ATP2C2: variants seen among roughly 807,000 people sequenced by gnomAD.
ATP2C2 encodes calcium-transporting ATPase type 2C member 2.
Under a neutral mutation model 110.8 loss-of-function variants are expected in ATP2C2, and 171 were observed. The observed-to-expected ratio is 1.54, with a 90% CI of 1.36 to 1.75. The LOEUF (loss-of-function observed/expected upper bound fraction) is 1.75, where lower values mean the gene tolerates loss of function less well. Among genes scored for constraint, ATP2C2 ranks in the 40% most tolerant of loss-of-function variants. The pLI, the probability that ATP2C2 is intolerant of heterozygous loss-of-function variation, is 0.00. For synonymous variants in ATP2C2, 804 were observed against 508.4 expected, an observed-to-expected ratio of 1.58 and a Z score of -7.82; for missense variants, 1,963 against 1,235.0, an observed-to-expected ratio of 1.59 and a Z score of -8.84.
chr16:84,371,205 C>T (rs537750346), intron 1 of ATP2C2, among the ~76,000 whole-genome samples: 2 of 152,260 alleles, frequency 1.3e-5, no homozygotes, highest in East Asian at 3.9e-4. Context: ...TGGATTTCAG[C>T]ATTTCCAGGA....
chr16:84,461,740 C>T lies in ATP2C2; in HGVS notation c.2508C>T (p.Pro836=), dbSNP rs757653355. The stretch of plus-strand genomic sequence containing the variant: ...TGCCTGAAGACAGAGCAAGCACTCC[C>T]CGCACCACGACGATGACGTTCACTT... ...KEMPEDRAST[P]RTTTMTFTCF... The change falls in exon 25 of 27, where the codon CCC becomes CCT. Residue 836 remains proline, a synonymous_variant. Transcript: ENST00000262429. The T allele has an allele frequency of 1.2e-6, 2 of 1,614,064 alleles. No homozygotes were observed. The highest frequency in any genetic ancestry group is 2.2e-5 in the East Asian group (1 of 44,890).
chr16:84,400,326 T>A (rs1905238389), intron 2 of ATP2C2, among the ~76,000 whole-genome samples: 1 of 137,002 alleles, frequency 7.3e-6, no homozygotes, highest in Non-Finnish European at 1.5e-5. Context: ...TTTTTAGTTT[T>A]TTGTTGTTTT....
At chr16:84,412,883 G>C (rs1355024496) in intron 6 of ATP2C2, among the ~76,000 whole-genome samples, 1 of 151,958 alleles carries the variant, frequency 6.6e-6, no homozygotes, top group East Asian at 1.9e-4. Context: ...CTCACCTGAG[G>C]TCAGGAGTTC....
chr16:84,396,223 CGT>C (rs10571889), intron 1 of ATP2C2, among the ~76,000 whole-genome samples: 80,197 of 150,436 alleles, frequency 0.53, 21,634 homozygotes, highest in South Asian at 0.63. Context: ...AAGCATCGGG[CGT>C]GTGTGTGTGT....
rs1361618961 is a variant in ATP2C2, at chr16:84,416,967, G to GACAC, written c.624+1378_624+1381dup. ...CAGATGCCAGGCAGCTTGTGAGAAG[G>GACAC]ACACAGGTCCGCCACAAGGGCTGGT... On this transcript the variant is annotated intron_variant, in intron 7 of 26. Transcript: ENST00000262429. Among the ~76,000 whole-genome samples the GACAC allele has an allele frequency of 2.0e-5, 3 of 152,298 alleles. No homozygotes were observed. In the East Asian group the frequency reaches 5.8e-4, roughly 29 times the overall value.
intron 17 of ATP2C2, among the ~76,000 whole-genome samples, chr16:84,450,521 G>A (rs73247817): frequency 0.014 from 2,177 of 152,234 alleles, 47 homozygotes; most frequent in African/African-American, 0.05. Flanking sequence ...CTACTAGGTG[G>A]CCACTAGAAG....
At chr16:84,386,743 G>T (rs1483353394) in intron 1 of ATP2C2, among the ~76,000 whole-genome samples, 1 of 147,046 alleles carries the variant, frequency 6.8e-6, no homozygotes, top group African/African-American at 2.4e-5. Flanking sequence ...TCAATGCTAG[G>T]TGCGAGGTAT....
In ATP2C2 at chr16:84,453,332, C is replaced by T. The variant is rs1910480856; in HGVS notation, c.1941C>T (p.Phe647=). 1.2e-6 allele frequency: 2 copies of T among 1,614,188 alleles called. No individual in the cohort carries two copies. The highest frequency in any genetic ancestry group is 2.2e-5 in the East Asian group (1 of 44,888). The part of the protein sequence containing the change: ...LADRVGKVSV[F]FRTSPKHKLK... ...GTCTCCGTGTCCAGGTGTCCGTGTT[C>T]TTCAGGACCAGCCCAAAGCACAAGC... The change falls in exon 20 of 27, where the codon TTC becomes TTT. Residue 647 remains phenylalanine, a synonymous_variant. Coordinates refer to ENST00000262429, the MANE Select transcript of ATP2C2 (RefSeq NM_014861.4).
At chr16:84,459,978 T>G in intron 23 of ATP2C2, 1 of 247,708 alleles carries the variant, frequency 4.0e-6, no homozygotes, top group Admixed American at 4.8e-5. Context: ...CGCTTTGGAG[T>G]CAGGGGACCC....
chr16:84,461,946 T>C (rs1318337881), intron 25 of ATP2C2, 42 bp from the exon 26 acceptor site: 2 of 1,609,050 alleles, frequency 1.2e-6, no homozygotes, highest in African/African-American at 2.7e-5. Context: ...GTACCTGGGG[T>C]GTGGACAGCA....
intron 17 of ATP2C2, 38 bp from the exon 18 acceptor site, chr16:84,451,883 C>A: frequency 6.3e-7 from 1 of 1,576,302 alleles, no homozygotes; most frequent in Middle Eastern, 1.8e-4. Flanking sequence ...GGCCCCTAAG[C>A]CCCCGGTGAC....
chr16:84,455,067 T>TCG, intron 21 of ATP2C2, 83 bp downstream of exon 21: 45 of 973,908 alleles, frequency 4.6e-5, no homozygotes, highest in Non-Finnish European at 5.5e-5. Context: ...ACTGTGGAGA[T>TCG]AGAGGGGGGG....
chr16:84,444,064 G>A (rs2150572381), intron 15 of ATP2C2, among the ~76,000 whole-genome samples: 1 of 150,936 alleles, frequency 6.6e-6, no homozygotes, highest in Admixed American at 6.6e-5. Context: ...CTACTCAGGA[G>A]GCTGAGGCAG....
At chr16:84,459,999 G>A (rs540276963) in intron 23 of ATP2C2, 17 of 242,648 alleles carry the variant, frequency 7.0e-5, no homozygotes, top group African/African-American at 1.6e-4. Flanking sequence ...ATCTGGCCAC[G>A]TGTGCGTAAC....
Position 84,448,650 on chromosome 16 carries a change from C to G in ATP2C2, c.1621C>G (p.Leu541Val), listed in dbSNP as rs750900889. 8 of 1,613,798 alleles carry G rather than the reference C, an allele frequency of 5.0e-6. No individual in the cohort carries two copies. Among genetic ancestry groups the G allele is most frequent in the East Asian group, 2.2e-5 (1 of 44,878 alleles). The change falls in exon 17 of 27, where the codon CTG becomes GTG. Residue 541 changes from leucine (L) to valine (V), a missense_variant. Physicochemically the swap from Leu to Val is conservative, Grantham distance 32 (BLOSUM62 1). Coordinates refer to ENST00000262429, the MANE Select transcript of ATP2C2 (RefSeq NM_014861.4). Reference sequence around the variant, plus strand: ...GACGCCCCAGCAGAGGTCATTCTGCCTGCAGGAAGAGAAGAGGATGGGGTC... The same window carrying G: ...GACGCCCCAGCAGAGGTCATTCTGCGTGCAGGAAGAGAAGAGGATGGGGTC... ...PLTPQQRSFC[L>V]QEEKRMGSLG... is the part of the protein sequence containing the mutation.
intron 20 of ATP2C2, 25 bp downstream of exon 20, chr16:84,453,396 GCT>G: frequency 6.2e-7 from 1 of 1,613,820 alleles, no homozygotes; most frequent in Non-Finnish European, 8.5e-7. Flanking sequence ...GCAGGCACAG[GCT>G]GCGCTGCTGG....
chr16:84,411,727 C>G (rs574786858), intron 6 of ATP2C2, among the ~76,000 whole-genome samples: 2 of 152,158 alleles, frequency 1.3e-5, no homozygotes, highest in African/African-American at 2.4e-5. Flanking sequence ...CAGGTGTGAG[C>G]CACCGTGCCC....
intron 11 of ATP2C2, among the ~76,000 whole-genome samples, chr16:84,436,631 G>C (rs1597832589): frequency 6.6e-6 from 1 of 152,252 alleles, no homozygotes; most frequent in South Asian, 2.1e-4. Context: ...GACAGCACTT[G>C]GAGCTCCACT....
intron 1 of ATP2C2, among the ~76,000 whole-genome samples, chr16:84,383,888 C>G (rs529287849): frequency 6.7e-6 from 1 of 149,744 alleles, no homozygotes; most frequent in East Asian, 2.0e-4. Context: ...CTCTCAGGCT[C>G]AAGCGATCCT....
Sources: allele counts gnomAD v4.1 joint callset (sites outside exome capture counted in the v4.1 genomes callset), GRCh38; gene constraint gnomAD v4.1.1; transcripts MANE v1.5; gene names NCBI Gene and HGNC (gene_info 2026-07-23, HGNC 2026-07-21).